Variants in FRMPD4 observed in about 807,000 individuals in gnomAD.
The protein encoded by FRMPD4 is FERM and PDZ domain-containing protein 4.
Under a neutral mutation model 94.1 loss-of-function variants are expected in FRMPD4, and 22 were observed. The ratio of observed to expected loss-of-function variants is 0.23; its 90% CI spans 0.17 to 0.33. FRMPD4 has a LOEUF of 0.33. Among genes scored for constraint, FRMPD4 ranks in the 10% least tolerant of loss-of-function variants. The probability of loss-of-function intolerance (pLI) is 1.00; values close to 1 mark genes in which losing one functional copy is unlikely to be tolerated. For synonymous variants in FRMPD4, 631 were observed against 548.6 expected, an observed-to-expected ratio of 1.15 and a Z score of -2.10; for missense variants, 1,111 against 1,339.9, an observed-to-expected ratio of 0.83 and a Z score of 2.67.
At chrX:12,156,436 C>T (rs1450506159) in intron 1 of FRMPD4, among the ~76,000 whole-genome samples, 2 of 111,387 alleles carry the variant, frequency 1.8e-5, no homozygotes, top group East Asian at 5.6e-4. Flanking sequence ...AGAGGATTTG[C>T]TGAATTGATA....
At chrX:12,607,193 C>G (rs974590898) in intron 2 of FRMPD4, among the ~76,000 whole-genome samples, 1 of 111,618 alleles carries the variant, frequency 9.0e-6, no homozygotes, top group Admixed American at 9.5e-5. Context: ...GTCTGGAATT[C>G]TGTCCTCTGA....
At chrX:12,512,930 A>G (rs1395293889) in intron 2 of FRMPD4, among the ~76,000 whole-genome samples, 6 of 112,082 alleles carry the variant, frequency 5.4e-5, no homozygotes, top group Non-Finnish European at 9.4e-5. Flanking sequence ...GCATGAGATG[A>G]TATCTTATTG....
At chrX:11,955,372 G>A (rs1326644449) in intron 3 of FRMPD4, among the ~76,000 whole-genome samples, 1 of 110,849 alleles carries the variant, frequency 9.0e-6, no homozygotes, top group Non-Finnish European at 1.9e-5. Flanking sequence ...CATGCTTGTA[G>A]CCCTAGCTAA....
At chrX:12,539,478 C>T (rs755421680) in intron 2 of FRMPD4, among the ~76,000 whole-genome samples, 1 of 111,636 alleles carries the variant, frequency 9.0e-6, no homozygotes, top group African/African-American at 3.3e-5. Context: ...CTGCAAGACA[C>T]ATATTTGTCA....
At position 12,717,792 on chromosome X, in the gene FRMPD4, T is replaced by C. The variant is rs1301644245; in HGVS notation, c.2966T>C (p.Leu989Ser). The change falls in exon 16 of 17, where the codon TTA becomes TCA. Residue 989 changes from leucine (L) to serine (S), a missense_variant. Physicochemically the swap from Leu to Ser is moderately radical, Grantham distance 145. Around this residue, in one of 8 missense-constraint regions of FRMPD4, gnomAD observed 551 missense variants for 591.6 expected, o/e 0.93. Coordinates refer to ENST00000675598, the MANE Select transcript of FRMPD4 (RefSeq NM_001368397.1). Reference protein sequence around the residue: ...LPPKVVPSKQLLHSDHMEMEP... With the variant: ...LPPKVVPSKQSLHSDHMEMEP... ...CCCAAAGTTGTGCCTTCCAAGCAGT[T>C]ACTTCACTCAGACCACATGGAGATG... 1 of 1,211,849 alleles carries C rather than the reference T, an allele frequency of 8.3e-7. No homozygotes were observed. The highest frequency in any genetic ancestry group is 1.1e-6 in the Non-Finnish European group (1 of 895,363).
intron 3 of FRMPD4, among the ~76,000 whole-genome samples, chrX:11,915,607 T>G (rs1345920569): frequency 8.9e-6 from 1 of 112,297 alleles, no homozygotes; most frequent in African/African-American, 3.2e-5. Flanking sequence ...GAAATCCAAT[T>G]CCTTAGTTCT....
intron 2 of FRMPD4, among the ~76,000 whole-genome samples, chrX:12,574,467 G>C (rs1385584874): frequency 9.0e-6 from 1 of 111,393 alleles, no homozygotes; most frequent in East Asian, 2.8e-4. Context: ...TAAACTCCAT[G>C]GAATCTTTAG....
Position 12,716,255 on chromosome X carries a change from A to G in FRMPD4, c.1796A>G (p.Asn599Ser). Residue 599 changes from asparagine (N) to serine (S), a missense_variant, in exon 15 of 17, where the codon AAT becomes AGT. Asn to Ser is a conservative substitution (Grantham distance 46). Around this residue, in one of 8 missense-constraint regions of FRMPD4, gnomAD observed 192 missense variants for 192.5 expected, o/e 1.00. Coordinates refer to ENST00000675598, the MANE Select transcript of FRMPD4 (RefSeq NM_001368397.1). ...PKEHRHLYID[N>S]AYSSDGLNQQ... ...GAGCACCGGCACTTGTACATAGACAATGCCTATAGTTCAGATGGACTTAAC... is the reference window on the plus strand; with the variant it reads ...GAGCACCGGCACTTGTACATAGACAGTGCCTATAGTTCAGATGGACTTAAC... The G allele has an allele frequency of 8.3e-7, 1 of 1,210,210 alleles. No individual in the cohort carries two copies. The highest frequency in any genetic ancestry group is 1.1e-6 in the Non-Finnish European group (1 of 894,100).
At chrX:12,487,048 G>A (rs761463055) in intron 1 of FRMPD4, among the ~76,000 whole-genome samples, 2 of 112,407 alleles carry the variant, frequency 1.8e-5, no homozygotes, top group South Asian at 7.4e-4. Context: ...GGAAATGTGA[G>A]ACCAGAATGG....
intron 1 of FRMPD4, among the ~76,000 whole-genome samples, chrX:12,182,577 AATAT>A (rs1251244591): frequency 2.8e-5 from 3 of 107,146 alleles, no homozygotes; most frequent in African/African-American, 3.4e-5. Context: ...TAAATAAATA[AATAT>A]ATATATATAT....
intron 3 of FRMPD4, among the ~76,000 whole-genome samples, chrX:12,104,555 T>G (rs1417853291): frequency 8.9e-6 from 1 of 112,716 alleles, no homozygotes; most frequent in Non-Finnish European, 1.9e-5. Flanking sequence ...GTCCCATAAG[T>G]TTTATTCCAT....
At chrX:12,471,252 T>C (rs955478560) in intron 1 of FRMPD4, among the ~76,000 whole-genome samples, 5 of 112,045 alleles carry the variant, frequency 4.5e-5, no homozygotes, top group African/African-American at 1.6e-4. Flanking sequence ...GCTTGAGTGG[T>C]AGCCATTCTC....
intron 3 of FRMPD4, among the ~76,000 whole-genome samples, chrX:11,907,106 T>C (rs1209205229): frequency 9.0e-6 from 1 of 111,319 alleles, no homozygotes; most frequent in Non-Finnish European, 1.9e-5. Context: ...ATTTTAAGCA[T>C]CTAATAATTA....
At chrX:12,129,637 C>T (rs1045734101) in intron 3 of FRMPD4, among the ~76,000 whole-genome samples, 1 of 111,943 alleles carries the variant, frequency 8.9e-6, no homozygotes, top group Non-Finnish European at 1.9e-5. Flanking sequence ...TCATAGTTTG[C>T]TCAGACCCAT....
chrX:12,034,017 A>C (rs888363756), intron 3 of FRMPD4, among the ~76,000 whole-genome samples: 5 of 112,902 alleles, frequency 4.4e-5, no homozygotes, highest in African/African-American at 1.6e-4. Flanking sequence ...TTTTAAGCCA[A>C]GCATTTTGGA....
At chrX:11,823,940 G>A (rs900496159) in intron 1 of FRMPD4, among the ~76,000 whole-genome samples, 1 of 111,693 alleles carries the variant, frequency 9.0e-6, no homozygotes, top group Non-Finnish European at 1.9e-5. Flanking sequence ...AGTGAAAGCA[G>A]CTGAGCTACA....
intron 3 of FRMPD4, among the ~76,000 whole-genome samples, chrX:12,088,661 G>A (rs1049037488): frequency 5.4e-5 from 6 of 111,871 alleles, no homozygotes; most frequent in Admixed American, 9.5e-5. Context: ...TAGAACAGCT[G>A]TTCTTTCATT....
intron 1 of FRMPD4, among the ~76,000 whole-genome samples, chrX:12,225,999 G>A (rs768418536): frequency 2.7e-5 from 3 of 112,025 alleles, no homozygotes; most frequent in South Asian, 7.6e-4. Flanking sequence ...ACTGGCATGC[G>A]CATAAAATGA....
intron 1 of FRMPD4, among the ~76,000 whole-genome samples, chrX:12,333,306 G>T (rs1427023776): frequency 9.2e-6 from 1 of 108,266 alleles, no homozygotes; most frequent in Admixed American, 9.8e-5. Flanking sequence ...GAGGATTTTT[G>T]CATTTAAAAT....
Sources: allele counts gnomAD v4.1 joint callset (sites outside exome capture counted in the v4.1 genomes callset), GRCh38; gene constraint gnomAD v4.1.1; regional missense constraint gnomAD v4.1.1; transcripts MANE v1.5; gene names NCBI Gene and HGNC (gene_info 2026-07-23, HGNC 2026-07-21).